Variants in BMERB1 observed in about 807,000 individuals in gnomAD.
BMERB1 encodes the protein bMERB domain containing 1, also known as bMERB domain-containing protein 1.
In BMERB1, 12 loss-of-function variants were observed where a neutral mutation model predicts 23.6. The observed-to-expected ratio is 0.51, with a 90% CI of 0.33 to 0.82. BMERB1 has a LOEUF of 0.82. Among genes scored for constraint, BMERB1 ranks in the 40% least tolerant of loss-of-function variants. The probability of loss-of-function intolerance (pLI) is 0.03; values close to 1 mark genes in which losing one functional copy is unlikely to be tolerated. For missense variants in BMERB1, 247 were observed against 255.4 expected (o/e 0.97, Z 0.22); for synonymous variants, 122 against 96.6 (o/e 1.26, Z -1.54).
At chr16:15,567,914 A>C in intron 2 of BMERB1, 69 bp from the exon 3 acceptor site, 1 of 1,405,140 alleles carries the variant, frequency 7.1e-7, no homozygotes, top group Non-Finnish European at 9.9e-7. Context: ...CTTTGTGTTA[A>C]CCGGGTGATG....
intron 2 of BMERB1, among the ~76,000 whole-genome samples, chr16:15,520,797 C>CT (rs1439365848): frequency 6.6e-6 from 1 of 152,254 alleles, no homozygotes; most frequent in South Asian, 2.1e-4. Context: ...CATAGATACT[C>CT]TTTTGGATAA....
intron 1 of BMERB1, among the ~76,000 whole-genome samples, chr16:15,481,106 A>G (rs2051317343): frequency 6.6e-6 from 1 of 152,240 alleles, no homozygotes; most frequent in Non-Finnish European, 1.5e-5. Flanking sequence ...TTGGAAAAGA[A>G]TGCAGAAGAT....
At position 15,546,035 on chromosome 16, in the gene BMERB1, C is replaced by A. The variant is rs369534294; in HGVS notation, c.231-21948C>A. ...GGCACAGGGGCTCACGCCTGTAATC[C>A]CAACAATTTGGGAAGCCGAGATGGG... On this transcript the variant is annotated intron_variant, in intron 2 of 5. Coordinates refer to ENST00000300006, the MANE Select transcript of BMERB1 (RefSeq NM_033201.3). 3.9e-5 allele frequency among the ~76,000 whole-genome samples: 6 copies of A among 152,208 alleles called. No individual in the cohort carries two copies. In the East Asian group the frequency reaches 1.2e-3, roughly 29 times the overall value.
At chr16:15,555,649 T>C (rs746730354) in intron 2 of BMERB1, among the ~76,000 whole-genome samples, 5 of 152,048 alleles carry the variant, frequency 3.3e-5, no homozygotes, top group Non-Finnish European at 7.4e-5. Flanking sequence ...AAAACAGACA[T>C]ATTGGCCTTC....
At chr16:15,527,705 G>A (rs1001078887) in intron 2 of BMERB1, among the ~76,000 whole-genome samples, 1 of 152,048 alleles carries the variant, frequency 6.6e-6, no homozygotes, top group African/African-American at 2.4e-5. Context: ...GGCAGGGGAA[G>A]GTACAGTATC....
At chr16:15,579,840 G>A (rs2030963176) in intron 3 of BMERB1, among the ~76,000 whole-genome samples, 1 of 152,138 alleles carries the variant, frequency 6.6e-6, no homozygotes, top group Non-Finnish European at 1.5e-5. Context: ...CTTTGCAGAA[G>A]ACCCTGGCTT....
chr16:15,562,317 A>T (rs942362542), intron 2 of BMERB1, among the ~76,000 whole-genome samples: 27 of 151,622 alleles, frequency 1.8e-4, no homozygotes, highest in African/African-American at 6.3e-4. Flanking sequence ...AAAAAAAAAA[A>T]AAACATAAAT....
At chr16:15,502,284 T>C (rs1251433664) in intron 1 of BMERB1, 1 of 1,551,234 alleles carries the variant, frequency 6.4e-7, no homozygotes, top group Non-Finnish European at 8.7e-7. Flanking sequence ...ATAGCCAGGA[T>C]GTGAAGCCTG....
chr16:15,561,930 A>G (rs2030432900), intron 2 of BMERB1, among the ~76,000 whole-genome samples: 1 of 152,182 alleles, frequency 6.6e-6, no homozygotes, highest in Non-Finnish European at 1.5e-5. Context: ...TTTACTGGGC[A>G]TTTGACTGTG....
At chr16:15,562,035 C>T (rs942478444) in intron 2 of BMERB1, among the ~76,000 whole-genome samples, 3 of 151,702 alleles carry the variant, frequency 2.0e-5, no homozygotes, top group Admixed American at 6.6e-5. Flanking sequence ...CGGCTAGGTG[C>T]GGTGGCTCAC....
intron 2 of BMERB1, among the ~76,000 whole-genome samples, chr16:15,544,941 G>A (rs1006412864): frequency 3.3e-5 from 5 of 151,976 alleles, no homozygotes; most frequent in Admixed American, 2.0e-4. Flanking sequence ...GTCCCCCAAA[G>A]CACCTAACAC....
chr16:15,543,236 C>T (rs2150963610), intron 2 of BMERB1, among the ~76,000 whole-genome samples: 1 of 152,152 alleles, frequency 6.6e-6, no homozygotes, highest in East Asian at 1.9e-4. Flanking sequence ...TCAGACACTT[C>T]TTCTCTTCTC....
intron 1 of BMERB1, among the ~76,000 whole-genome samples, chr16:15,482,371 A>G (rs998005647): frequency 6.6e-6 from 1 of 152,202 alleles, no homozygotes; most frequent in African/African-American, 2.4e-5. Flanking sequence ...GAGCAGAGAC[A>G]CTTCCCTGCT....
chr16:15,485,538 G>A (rs1266041655), intron 1 of BMERB1, among the ~76,000 whole-genome samples: 1 of 152,116 alleles, frequency 6.6e-6, no homozygotes, highest in Non-Finnish European at 1.5e-5. Context: ...TTTTTACCCT[G>A]AGAAATGGGA....
chr16:15,435,100 C>T (rs2050876644), intron 1 of BMERB1, among the ~76,000 whole-genome samples: 2 of 152,246 alleles, frequency 1.3e-5, no homozygotes, highest in Admixed American at 6.5e-5. Context: ...AGGATCCTCT[C>T]TCCGCCTGGG....
intron 1 of BMERB1, among the ~76,000 whole-genome samples, chr16:15,485,388 T>C (rs2051359823): frequency 6.6e-6 from 1 of 152,228 alleles, no homozygotes; most frequent in African/African-American, 2.4e-5. Context: ...CATTCAGGCC[T>C]TCACACTTCC....
At chr16:15,495,815 T>G (rs2051466948) in intron 1 of BMERB1, among the ~76,000 whole-genome samples, 1 of 152,184 alleles carries the variant, frequency 6.6e-6, no homozygotes, top group African/African-American at 2.4e-5. Context: ...GGTGGGATAT[T>G]CCCAGCCAAG....
chr16:15,555,258 G>C (rs1598516899), intron 2 of BMERB1, among the ~76,000 whole-genome samples: 1 of 152,046 alleles, frequency 6.6e-6, no homozygotes. Context: ...TTATTGTGTA[G>C]AGACAGAGTC....
intron 2 of BMERB1, among the ~76,000 whole-genome samples, chr16:15,546,436 A>G (rs1299464215): frequency 2.0e-5 from 3 of 152,304 alleles, no homozygotes; most frequent in East Asian, 3.9e-4. Flanking sequence ...GCTTGGAACA[A>G]TTGTTCCTGG....
Sources: allele counts gnomAD v4.1 joint callset (sites outside exome capture counted in the v4.1 genomes callset), GRCh38; gene constraint gnomAD v4.1.1; transcripts MANE v1.5; gene names NCBI Gene and HGNC (gene_info 2026-07-23, HGNC 2026-07-21).